Variants in SH3RF3 observed in about 807,000 individuals in gnomAD.
SH3RF3 encodes the protein E3 ubiquitin-protein ligase SH3RF3.
Under a neutral mutation model 66.3 loss-of-function variants are expected in SH3RF3, and 29 were observed. That is an observed-to-expected ratio of 0.44 (90% confidence interval 0.33 to 0.60). The LOEUF (loss-of-function observed/expected upper bound fraction) is 0.60, where lower values mean the gene tolerates loss of function less well. Ranked by LOEUF, SH3RF3 falls within the 20% of genes least tolerant of loss-of-function variation. The probability of loss-of-function intolerance (pLI) is 0.04; values close to 1 mark genes in which losing one functional copy is unlikely to be tolerated. For synonymous variants in SH3RF3, 583 were observed against 532.0 expected, an observed-to-expected ratio of 1.10 and a Z score of -1.32; for missense variants, 1,194 against 1,190.9, an observed-to-expected ratio of 1.00 and a Z score of -0.04.
intron 1 of SH3RF3, among the ~76,000 whole-genome samples, chr2:109,243,799 C>T (rs1679845955): frequency 1.3e-5 from 2 of 152,160 alleles, no homozygotes; most frequent in Admixed American, 6.5e-5. Flanking sequence ...GACATGTTCT[C>T]TGTGCGTTGG....
intron 3 of SH3RF3, among the ~76,000 whole-genome samples, chr2:109,379,479 G>A (rs560411402): frequency 5.9e-5 from 9 of 152,308 alleles, no homozygotes; most frequent in African/African-American, 1.9e-4. Flanking sequence ...GCTGACAGAT[G>A]TGGCCGCTGC....
intron 1 of SH3RF3, among the ~76,000 whole-genome samples, chr2:109,212,241 TC>T (rs1679002653): frequency 6.6e-6 from 1 of 152,062 alleles, no homozygotes; most frequent in African/African-American, 2.4e-5. Flanking sequence ...ACTCCTCACT[TC>T]CCTCCAACTC....
intron 7 of SH3RF3, among the ~76,000 whole-genome samples, chr2:109,439,366 A>G (rs987296507): frequency 6.6e-6 from 1 of 152,198 alleles, no homozygotes; most frequent in African/African-American, 2.4e-5. Flanking sequence ...ACTGAGCCAT[A>G]TCAGTAAATT....
chr2:109,173,340 G>A (rs978128122), intron 1 of SH3RF3, among the ~76,000 whole-genome samples: 38 of 152,068 alleles, frequency 2.5e-4, no homozygotes, highest in African/African-American at 8.7e-4. Context: ...TGCTCTGCCC[G>A]TTATCAACCG....
chr2:109,172,331 G>A (rs1486186150), intron 1 of SH3RF3, among the ~76,000 whole-genome samples: 1 of 152,240 alleles, frequency 6.6e-6, no homozygotes, highest in African/African-American at 2.4e-5. Flanking sequence ...GCGTGGAAAT[G>A]CGCGAGCCAG....
At chr2:109,341,578 TG>T (rs1221772574) in intron 1 of SH3RF3, among the ~76,000 whole-genome samples, 1 of 152,128 alleles carries the variant, frequency 6.6e-6, no homozygotes, top group Non-Finnish European at 1.5e-5. Context: ...GATCCCAAAA[TG>T]TGTTGGCTCA....
At chr2:109,131,437 T>C (rs1483188953) in intron 1 of SH3RF3, among the ~76,000 whole-genome samples, 2 of 152,262 alleles carry the variant, frequency 1.3e-5, no homozygotes, top group Non-Finnish European at 2.9e-5. Flanking sequence ...GTAAGGTATT[T>C]ATAATTAAAT....
In SH3RF3 at chr2:109,297,666, G is replaced by T. The variant is rs1681349380; in HGVS notation, c.574-50008G>T. On this transcript the variant is annotated intron_variant, in intron 1 of 9. Transcript: ENST00000309415. ...CACCAGGCCAGTGTCCCCCACCCTG[G>T]TCAGTGCCTTCCACTGGGCCAATGC... Among the ~76,000 whole-genome samples, 3 of 149,064 alleles carry T rather than the reference G, an allele frequency of 2.0e-5. No individual in the cohort carries two copies. In the South Asian group the frequency reaches 6.4e-4, roughly 32 times the overall value.
intron 7 of SH3RF3, among the ~76,000 whole-genome samples, chr2:109,437,516 C>T (rs1384919270): frequency 6.6e-6 from 1 of 152,210 alleles, no homozygotes; most frequent in Non-Finnish European, 1.5e-5. Flanking sequence ...AACACCGGCA[C>T]TTTCAAATGC....
chr2:109,193,346 G>A (rs1678415850), intron 1 of SH3RF3, among the ~76,000 whole-genome samples: 1 of 152,176 alleles, frequency 6.6e-6, no homozygotes, highest in African/African-American at 2.4e-5. Flanking sequence ...CAATTCAGTG[G>A]TTTTAGTATA....
intron 1 of SH3RF3, among the ~76,000 whole-genome samples, chr2:109,272,766 G>T (rs1680657722): frequency 6.6e-6 from 1 of 152,210 alleles, no homozygotes; most frequent in South Asian, 2.1e-4. Context: ...TTATGAACCA[G>T]CATCAATGCA....
chr2:109,209,520 C>A (rs749998088), intron 1 of SH3RF3, among the ~76,000 whole-genome samples: 1 of 152,088 alleles, frequency 6.6e-6, no homozygotes, highest in Admixed American at 6.5e-5. Context: ...GCAAGGGAGG[C>A]GAGAACTGTG....
chr2:109,499,076 C>T (rs1305163945), intron 9 of SH3RF3, among the ~76,000 whole-genome samples: 2 of 152,176 alleles, frequency 1.3e-5, no homozygotes, highest in Admixed American at 6.5e-5. Flanking sequence ...AAAGGAGCCT[C>T]AGCTGTGAGG....
intron 3 of SH3RF3, among the ~76,000 whole-genome samples, chr2:109,393,956 C>T (rs754690115): frequency 3.3e-5 from 5 of 151,970 alleles, no homozygotes; most frequent in Admixed American, 1.3e-4. Flanking sequence ...CTGTCGTGGA[C>T]CCAGCGCTGA....
rs1396636532 is a variant in SH3RF3, at chr2:109,361,779, T to G, written c.850-9807T>G. On this transcript the variant is annotated intron_variant, in intron 2 of 9. Coordinates refer to ENST00000309415, the MANE Select transcript of SH3RF3 (RefSeq NM_001099289.3). ...TTTAATAGATAAAGGCCTATTGAAT[T>G]ATATATTTCTTCTTGTATGAGTTTT... is the stretch of plus-strand genomic sequence containing the variant. Among the ~76,000 whole-genome samples the G allele has an allele frequency of 2.0e-5, 3 of 152,334 alleles. No homozygotes were observed. The East Asian group carries it at 5.8e-4, about 29-fold the overall frequency.
At chr2:109,341,463 A>G (rs116729464) in intron 1 of SH3RF3, among the ~76,000 whole-genome samples, 38 of 152,344 alleles carry the variant, frequency 2.5e-4, no homozygotes, top group African/African-American at 7.9e-4. Flanking sequence ...CAACAGTGCT[A>G]TGAAAGTCAG....
intron 1 of SH3RF3, among the ~76,000 whole-genome samples, chr2:109,346,675 A>G (rs1682710173): frequency 6.6e-6 from 1 of 152,140 alleles, no homozygotes; most frequent in African/African-American, 2.4e-5. Context: ...AGAAGACATC[A>G]CATCAGTTTC....
intron 1 of SH3RF3, among the ~76,000 whole-genome samples, chr2:109,213,898 C>T (rs749488714): frequency 6.6e-5 from 10 of 152,254 alleles, no homozygotes; most frequent in South Asian, 6.2e-4. Flanking sequence ...CAAAGCCTCC[C>T]GGGACACTGG....
chr2:109,234,832 AAGAG>A (rs776310377), intron 1 of SH3RF3, among the ~76,000 whole-genome samples: 1 of 152,212 alleles, frequency 6.6e-6, no homozygotes, highest in Non-Finnish European at 1.5e-5. Context: ...TCCTGAGAAA[AAGAG>A]AGATGGAATA....
Sources: allele counts gnomAD v4.1 joint callset (sites outside exome capture counted in the v4.1 genomes callset), GRCh38; gene constraint gnomAD v4.1.1; transcripts MANE v1.5; gene names NCBI Gene and HGNC (gene_info 2026-07-23, HGNC 2026-07-21).